The following ZNF827 variants were observed in gnomAD, a reference collection of about 807,000 sequenced individuals.
The protein encoded by ZNF827 is zinc finger protein 827.
Under a neutral mutation model 102.4 loss-of-function variants are expected in ZNF827, and 13 were observed. The ratio of observed to expected loss-of-function variants is 0.13; its 90% CI spans 0.08 to 0.20. ZNF827 has a LOEUF of 0.20. ZNF827 is among the 10% of genes least tolerant of loss of function. The pLI, the probability that ZNF827 is intolerant of heterozygous loss-of-function variation, is 1.00. For missense variants in ZNF827, 1,103 were observed against 1,344.4 expected, an observed-to-expected ratio of 0.82 and a Z score of 2.81; for synonymous variants, 523 against 536.2, an observed-to-expected ratio of 0.98 and a Z score of 0.34.
At chr4:145,844,571 T>C (rs1271337806) in intron 7 of ZNF827, among the ~76,000 whole-genome samples, 2 of 151,602 alleles carry the variant, frequency 1.3e-5, no homozygotes, top group Non-Finnish European at 2.9e-5. Flanking sequence ...TTCCAGCTAC[T>C]CGGGAGGCTG....
intron 8 of ZNF827, among the ~76,000 whole-genome samples, chr4:145,805,437 GA>G (rs1741324428): frequency 6.6e-6 from 1 of 151,924 alleles, no homozygotes; most frequent in Admixed American, 6.6e-5. Flanking sequence ...AACTTAATGA[GA>G]AAAATATTGG....
At chr4:145,828,415 G>A (rs1743888123) in intron 7 of ZNF827, among the ~76,000 whole-genome samples, 1 of 152,110 alleles carries the variant, frequency 6.6e-6, no homozygotes, top group Non-Finnish European at 1.5e-5. Flanking sequence ...ACAGCTAATG[G>A]GGAGGGAATC....
At chr4:145,778,361 T>C (rs977173308) in intron 9 of ZNF827, among the ~76,000 whole-genome samples, 1 of 152,256 alleles carries the variant, frequency 6.6e-6, no homozygotes, top group Non-Finnish European at 1.5e-5. Context: ...CTCAAACTCC[T>C]GACCTCAGGT....
chr4:145,845,024 G>C (rs533225201), intron 7 of ZNF827, among the ~76,000 whole-genome samples: 1 of 152,190 alleles, frequency 6.6e-6, no homozygotes, highest in African/African-American at 2.4e-5. Flanking sequence ...AAGACTGCTT[G>C]GTAGCTCCCA....
chr4:145,889,960 G>C (rs368338736), intron 3 of ZNF827, among the ~76,000 whole-genome samples: 17 of 149,264 alleles, frequency 1.1e-4, no homozygotes, highest in African/African-American at 3.4e-4. Context: ...CTGGGTAAGA[G>C]AGCTAGACTC....
At chr4:145,793,957 G>A (rs1354070409) in intron 8 of ZNF827, among the ~76,000 whole-genome samples, 1 of 152,172 alleles carries the variant, frequency 6.6e-6, no homozygotes, top group African/African-American at 2.4e-5. Flanking sequence ...GGGGAAGTCA[G>A]TCTCAGCTCA....
intron 5 of ZNF827, among the ~76,000 whole-genome samples, chr4:145,856,449 G>A (rs569880411): frequency 2.6e-5 from 4 of 152,234 alleles, no homozygotes; most frequent in African/African-American, 9.6e-5. Context: ...CAATACTGGG[G>A]CTTGCCCATG....
intron 7 of ZNF827, among the ~76,000 whole-genome samples, chr4:145,841,844 TTGG>T (rs1447289992): frequency 6.6e-6 from 1 of 152,152 alleles, no homozygotes; most frequent in African/African-American, 2.4e-5. Context: ...ACGGTGTGCC[TTGG>T]TGGATTGTTT....
chr4:145,856,722 C>T (rs1747151740), intron 5 of ZNF827, among the ~76,000 whole-genome samples: 1 of 136,596 alleles, frequency 7.3e-6, no homozygotes, highest in Admixed American at 7.4e-5. Flanking sequence ...CACACACACA[C>T]ACCCCATTTC....
intron 5 of ZNF827, among the ~76,000 whole-genome samples, chr4:145,851,413 T>C (rs997899544): frequency 6.6e-6 from 1 of 152,024 alleles, no homozygotes; most frequent in Admixed American, 6.5e-5. Flanking sequence ...GGAAACCTCA[T>C]TGTTAGAAGC....
intron 4 of ZNF827, among the ~76,000 whole-genome samples, chr4:145,877,616 C>A (rs929331294): frequency 1.3e-5 from 2 of 152,044 alleles, no homozygotes; most frequent in Non-Finnish European, 2.9e-5. Flanking sequence ...TGTCTATGTA[C>A]CCAAAGCAAG....
At chr4:145,873,171 G>T (rs927208279) in intron 4 of ZNF827, among the ~76,000 whole-genome samples, 3 of 151,934 alleles carry the variant, frequency 2.0e-5, no homozygotes, top group African/African-American at 7.2e-5. Flanking sequence ...TCCTGACCTC[G>T]TGATCCACCC....
intron 5 of ZNF827, among the ~76,000 whole-genome samples, chr4:145,857,819 G>A (rs1747298390): frequency 6.6e-6 from 1 of 152,006 alleles, no homozygotes; most frequent in Non-Finnish European, 1.5e-5. Flanking sequence ...AATTTCACTA[G>A]AAATTAGCTA....
At chr4:145,871,756 G>A (rs575354781) in intron 4 of ZNF827, among the ~76,000 whole-genome samples, 16 of 152,128 alleles carry the variant, frequency 1.1e-4, no homozygotes, top group Non-Finnish European at 1.8e-4. Flanking sequence ...CACAAAGTCT[G>A]TTTTCCATCT....
chr4:145,806,530 T>G (rs1741472154), intron 8 of ZNF827, among the ~76,000 whole-genome samples: 1 of 152,120 alleles, frequency 6.6e-6, no homozygotes, highest in Non-Finnish European at 1.5e-5. Context: ...CATCAAATAT[T>G]TAATGATACT....
At chr4:145,849,938 T>G (rs1342718716) in intron 5 of ZNF827, among the ~76,000 whole-genome samples, 1 of 152,154 alleles carries the variant, frequency 6.6e-6, no homozygotes. Flanking sequence ...GTGTTTGTTC[T>G]TGCTTTAGAA....
rs1194803610 is a variant in ZNF827 at position 145,917,713 on chromosome 4, AAAAAAAAAAAAAAG to A, written c.44-14512_44-14499del. Among the ~76,000 whole-genome samples, 8 of 147,146 alleles carry A rather than the reference AAAAAAAAAAAAAAG, an allele frequency of 5.4e-5. No homozygotes were observed. In the East Asian group the frequency reaches 1.4e-3, roughly 25 times the overall value. On this transcript the variant is annotated intron_variant, in intron 1 of 14. Coordinates refer to ENST00000508784, the MANE Select transcript of ZNF827 (RefSeq NM_001306215.2). ...AAGGTAGCTGGTCAAAAAAAAAAAA[AAAAAAAAAAAAAAG>A]AAAAGAAAAAACAACATTCATATGC...
In ZNF827 at chr4:145,903,100, C is replaced by T. The variant is rs781585884; in HGVS notation, c.159G>A (p.Lys53=). The T allele has an allele frequency of 6.2e-7, 1 of 1,614,204 alleles. No homozygotes were observed. Among genetic ancestry groups the T allele is most frequent in the Non-Finnish European group, 8.5e-7 (1 of 1,180,040 alleles). ...ASYGEVQENY[K]LSLEDRIQEQ... Reference sequence around the variant, plus strand: ...CCTGGATCCGGTCCTCCAGAGACAACTTATAGTTCTCCTGGACTTCCCCAT... The same window carrying T: ...CCTGGATCCGGTCCTCCAGAGACAATTTATAGTTCTCCTGGACTTCCCCAT... The change falls in exon 2 of 15, where the codon AAG becomes AAA. Residue 53 remains lysine (K), a synonymous_variant. Coordinates refer to ENST00000508784, the MANE Select transcript of ZNF827 (RefSeq NM_001306215.2).
At chr4:145,891,671 C>T (rs1175846884) in intron 3 of ZNF827, among the ~76,000 whole-genome samples, 1 of 152,166 alleles carries the variant, frequency 6.6e-6, no homozygotes. Flanking sequence ...ATGAGGACTA[C>T]AGTCTTGTTA....
Sources: gnomAD v4.1 joint callset for allele counts (sites outside exome capture counted in the v4.1 genomes callset) on GRCh38, gnomAD v4.1.1 for gene constraint, MANE v1.5 for transcripts, NCBI Gene and HGNC (gene_info 2026-07-23, HGNC 2026-07-21) for gene names.